L2HGDH: variants seen among roughly 807,000 people sequenced by gnomAD.
L2HGDH encodes the protein L-2-hydroxyglutarate dehydrogenase, mitochondrial.
L2HGDH carries 34 observed loss-of-function variants against 51.5 expected under a neutral mutation model. The ratio of observed to expected loss-of-function variants is 0.66; its 90% CI spans 0.50 to 0.88. The LOEUF is 0.88. L2HGDH is among the 40% of genes least tolerant of loss of function. The pLI, the probability that L2HGDH is intolerant of heterozygous loss-of-function variation, is 0.00. For missense variants in L2HGDH, 558 were observed against 571.9 expected (o/e 0.98, Z 0.25); for synonymous variants, 198 against 197.9 (o/e 1.00, Z -0.01).
chr14:50,309,232 C>T (rs2030909415), intron 1 of L2HGDH, among the ~76,000 whole-genome samples: 1 of 152,080 alleles, frequency 6.6e-6, no homozygotes, highest in East Asian at 1.9e-4. Flanking sequence ...AGATCTTGTC[C>T]TTTTTCTAAA....
At chr14:50,288,579 C>T (rs568386851) in intron 4 of L2HGDH, among the ~76,000 whole-genome samples, 45 of 152,148 alleles carry the variant, frequency 3.0e-4, no homozygotes, top group African/African-American at 9.9e-4. Context: ...TACAGGCATG[C>T]GCCACCATGC....
intron 4 of L2HGDH, among the ~76,000 whole-genome samples, chr14:50,289,964 T>C (rs1890780288): frequency 6.6e-6 from 1 of 152,122 alleles, no homozygotes; most frequent in Non-Finnish European, 1.5e-5. Flanking sequence ...AAGGATAATA[T>C]GTCAAAACTC....
At chr14:50,283,841 T>C (rs1890411341) in intron 5 of L2HGDH, 30 bp downstream of exon 5, 1 of 1,602,428 alleles carries the variant, frequency 6.2e-7, no homozygotes, top group Non-Finnish European at 8.6e-7. Context: ...GGGCTGACTA[T>C]ATTCAATAGA....
chr14:50,282,563 G>A, intron 5 of L2HGDH: 4 of 455,774 alleles, frequency 8.8e-6, no homozygotes, highest in Non-Finnish European at 4.4e-6. Context: ...GTGGGCTTTA[G>A]GTACAGTCTA....
intron 9 of L2HGDH, among the ~76,000 whole-genome samples, chr14:50,250,187 C>T (rs1888263974): frequency 6.6e-6 from 1 of 152,212 alleles, no homozygotes; most frequent in South Asian, 2.1e-4. Context: ...CAGGCATGAG[C>T]CACCGTGTCT....
chr14:50,252,769 G>A (rs1888439842), intron 9 of L2HGDH, among the ~76,000 whole-genome samples: 2 of 152,122 alleles, frequency 1.3e-5, no homozygotes, highest in South Asian at 4.2e-4. Flanking sequence ...ACCCAACACT[G>A]GAGTACCCAG....
At chr14:50,303,458 T>G (rs1306246833) in intron 1 of L2HGDH, among the ~76,000 whole-genome samples, 1 of 96,096 alleles carries the variant, frequency 1.0e-5, no homozygotes, top group Non-Finnish European at 2.2e-5. Context: ...TTCACATGTA[T>G]TAAAAAAAAA....
At chr14:50,263,680 AG>A (rs150821445) in intron 9 of L2HGDH, among the ~76,000 whole-genome samples, 1,657 of 152,316 alleles carry the variant, frequency 0.011, 15 homozygotes, top group Non-Finnish European at 0.018. Context: ...TCAGGAAAAA[AG>A]GTGAACACTA....
intron 4 of L2HGDH, 96 bp from the exon 5 acceptor site, chr14:50,284,129 G>A (rs1311764422): frequency 1.0e-5 from 13 of 1,256,606 alleles, no homozygotes; most frequent in South Asian, 1.3e-5. Context: ...TCCTTTAGAG[G>A]AGTTGATTTT....
intron 7 of L2HGDH, among the ~76,000 whole-genome samples, chr14:50,268,234 C>T (rs112800328): frequency 3.3e-5 from 5 of 151,996 alleles, no homozygotes; most frequent in African/African-American, 1.2e-4. Flanking sequence ...CAAAAATTAG[C>T]CTGGCGTGGT....
chr14:50,284,656 A>T (rs1053810914), intron 4 of L2HGDH, among the ~76,000 whole-genome samples: 1 of 152,238 alleles, frequency 6.6e-6, no homozygotes, highest in African/African-American at 2.4e-5. Context: ...AATTTCACAC[A>T]CTAAGTACTG....
At chr14:50,283,482 C>T (rs1254290225) in intron 5 of L2HGDH, among the ~76,000 whole-genome samples, 1 of 152,006 alleles carries the variant, frequency 6.6e-6, no homozygotes, top group African/African-American at 2.4e-5. Flanking sequence ...GCACTACCCC[C>T]TAAAATATCC....
intron 3 of L2HGDH, among the ~76,000 whole-genome samples, chr14:50,298,795 ATAG>A (rs2139204959): frequency 6.6e-6 from 1 of 152,340 alleles, no homozygotes; most frequent in African/African-American, 2.4e-5. Context: ...ACAAATGAAA[ATAG>A]AAAGACAACA....
intron 9 of L2HGDH, among the ~76,000 whole-genome samples, chr14:50,255,873 A>G (rs981894848): frequency 6.6e-6 from 1 of 152,056 alleles, no homozygotes; most frequent in Non-Finnish European, 1.5e-5. Context: ...AACTAAAAAC[A>G]TAAAATTAGC....
intron 3 of L2HGDH, 99 bp downstream of exon 3, chr14:50,301,918 G>A: frequency 1.6e-6 from 2 of 1,221,946 alleles, no homozygotes; most frequent in Non-Finnish European, 2.4e-6. Flanking sequence ...AAATTACATA[G>A]ATACAAAGAA....
At chr14:50,272,083 G>A (rs1033692782) in intron 6 of L2HGDH, among the ~76,000 whole-genome samples, 3 of 152,248 alleles carry the variant, frequency 2.0e-5, no homozygotes, top group Non-Finnish European at 4.4e-5. Flanking sequence ...AGAGGTTACA[G>A]TGAGCCAAGA....
At chr14:50,271,727 A>G (rs776428473) in intron 6 of L2HGDH, among the ~76,000 whole-genome samples, 11 of 152,310 alleles carry the variant, frequency 7.2e-5, no homozygotes, top group Non-Finnish European at 1.2e-4. Context: ...ATAAATAAAA[A>G]GAAGACAAAG....
At chr14:50,306,455 T>A (rs2030731947) in intron 1 of L2HGDH, among the ~76,000 whole-genome samples, 1 of 152,210 alleles carries the variant, frequency 6.6e-6, no homozygotes, top group South Asian at 2.1e-4. Flanking sequence ...CAAGTTCAAC[T>A]ATGATGCTAT....
At position 50,245,775 on chromosome 14, in the gene L2HGDH, A is replaced by G. The variant is rs1274792090; in HGVS notation, c.*1283T>C. The G allele has an allele frequency of 1.0e-6, 1 of 985,298 alleles. No homozygotes were observed. The highest frequency in any genetic ancestry group is 1.2e-6 in the Non-Finnish European group (1 of 829,926). The allele number at this position is 985,298 out of a possible 1,614,324, so 61.0% of individuals were successfully genotyped here. The stretch of plus-strand genomic sequence containing the variant: ...ATGCCATCTTTCTCCAAAACTCTTA[A>G]AAAGCCAAATCTTCTCTAGGTCATG... On this transcript the variant is annotated 3_prime_UTR_variant, in exon 10 of 10. Coordinates refer to ENST00000267436, the MANE Select transcript of L2HGDH (RefSeq NM_024884.3).
Sources: gnomAD v4.1 joint callset for allele counts (sites outside exome capture counted in the v4.1 genomes callset) on GRCh38, gnomAD v4.1.1 for gene constraint, MANE v1.5 for transcripts, NCBI Gene and HGNC (gene_info 2026-07-23, HGNC 2026-07-21) for gene names.